The following SLC27A2 variants were observed in gnomAD, a reference collection of about 807,000 sequenced individuals.
The protein encoded by SLC27A2 is long-chain fatty acid transport protein 2.
Under a neutral mutation model 60.0 loss-of-function variants are expected in SLC27A2, and 54 were observed. That is an observed-to-expected ratio of 0.90 (90% CI 0.72 to 1.13). SLC27A2 has a LOEUF of 1.13. Ranked by LOEUF, SLC27A2 falls within the 50% of genes most tolerant of loss-of-function variation. The pLI is 0.00. For missense variants in SLC27A2, 739 were observed against 777.6 expected, an observed-to-expected ratio of 0.95 and a Z score of 0.59; for synonymous variants, 297 against 297.6, an observed-to-expected ratio of 1.00 and a Z score of 0.02.
chr15:50,188,991 A>G (rs561746765), intron 1 of SLC27A2, among the ~76,000 whole-genome samples: 7 of 143,202 alleles, frequency 4.9e-5, no homozygotes, highest in African/African-American at 1.8e-4. Flanking sequence ...AAATAGATAG[A>G]TAGATAGATA....
At chr15:50,216,745 C>G (rs1423342800) in intron 4 of SLC27A2, among the ~76,000 whole-genome samples, 1 of 138,808 alleles carries the variant, frequency 7.2e-6, no homozygotes, top group Non-Finnish European at 1.6e-5. Context: ...TTTTTTGGTT[C>G]CATATGATAT....
chr15:50,195,721 A>G (rs2045009007), intron 1 of SLC27A2, among the ~76,000 whole-genome samples: 1 of 151,810 alleles, frequency 6.6e-6, no homozygotes, highest in African/African-American at 2.4e-5. Flanking sequence ...TCATACACAA[A>G]CATCTGAAAA....
chr15:50,182,850 G>A lies in SLC27A2; in HGVS notation c.423G>A (p.Lys141=), dbSNP rs762845937. Residue 141 remains lysine, a synonymous_variant, in exon 1 of 10, where the codon AAG becomes AAA. Coordinates refer to ENST00000267842, the MANE Select transcript of SLC27A2 (RefSeq NM_003645.4). The part of the protein sequence containing the change: ...MACLNYNIRA[K]SLLHCFQCCG... ...GCCTCAATTACAACATCCGCGCGAAGTCCCTGCTGCACTGCTTCCAGTGCT... is the reference window on the plus strand; with the variant it reads ...GCCTCAATTACAACATCCGCGCGAAATCCCTGCTGCACTGCTTCCAGTGCT... 2 of 1,613,066 alleles carry A rather than the reference G, an allele frequency of 1.2e-6. No individual in the cohort carries two copies. Among genetic ancestry groups the A allele is most frequent in the South Asian group, 2.2e-5 (2 of 91,086 alleles).
chr15:50,216,610 G>GTGTGTGTGTGTGTGTATATATATATATA (rs1323910367), intron 4 of SLC27A2, among the ~76,000 whole-genome samples: 1 of 66,478 alleles, frequency 1.5e-5, no homozygotes, highest in Non-Finnish European at 3.0e-5. Context: ...GTGTGTGTGT[G>GTGTGTGTGTGTGTGTATATATATATATA]TATATATATA....
chr15:50,236,220 A>C lies in SLC27A2; in HGVS notation c.*124A>C. 3 of 694,358 alleles carry C rather than the reference A, an allele frequency of 4.3e-6. No individual in the cohort carries two copies. Among genetic ancestry groups the C allele is most frequent in the Non-Finnish European group, 6.8e-6 (3 of 443,062 alleles). The allele number at this position is 694,358 out of a possible 1,614,324, so 43.0% of individuals were successfully genotyped here. A position where few individuals can be genotyped will look rare whatever the true frequency, so the allele number is the denominator to read the frequency against. On this transcript the variant is annotated 3_prime_UTR_variant, in exon 10 of 10. Transcript: ENST00000267842. ...TTTTGTAGGAAATTTGCATACCCGT[A>C]AAGGGAGACTTTTTTAAATAACAGT...
intron 3 of SLC27A2, among the ~76,000 whole-genome samples, chr15:50,203,020 A>AAAAATAT (rs369562703): frequency 1.4e-5 from 2 of 147,798 alleles, no homozygotes; most frequent in South Asian, 4.3e-4. Context: ...CTCTAAAAAA[A>AAAAATAT]ATATATATAT....
intron 4 of SLC27A2, chr15:50,221,950 G>T (rs1356165997): frequency 6.5e-6 from 1 of 152,824 alleles, no homozygotes; most frequent in Non-Finnish European, 1.5e-5. Flanking sequence ...CAAACTTCTT[G>T]TTCTACTCTT....
intron 1 of SLC27A2, among the ~76,000 whole-genome samples, chr15:50,187,158 CAT>C (rs2044931376): frequency 6.6e-6 from 1 of 152,232 alleles, no homozygotes; most frequent in African/African-American, 2.4e-5. Flanking sequence ...AGTCAAGACT[CAT>C]AAACACTTCC....
intron 4 of SLC27A2, among the ~76,000 whole-genome samples, chr15:50,207,471 C>G (rs915201837): frequency 6.6e-6 from 1 of 151,730 alleles, no homozygotes; most frequent in Non-Finnish European, 1.5e-5. Flanking sequence ...CAAAAAAAAA[C>G]CTTCAGTTAA....
chr15:50,189,239 C>A (rs1312535700), intron 1 of SLC27A2, among the ~76,000 whole-genome samples: 1 of 151,936 alleles, frequency 6.6e-6, no homozygotes, highest in Non-Finnish European at 1.5e-5. Context: ...CCAGCCTTAC[C>A]CTACCACAGG....
Position 50,227,113 on chromosome 15 carries a change from A to C in SLC27A2, c.1392A>C (p.Gly464=), listed in dbSNP as rs2045284090. The change falls in exon 7 of 10, where the codon GGA becomes GGC. Residue 464 remains glycine, a synonymous_variant. Coordinates refer to ENST00000267842, the MANE Select transcript of SLC27A2 (RefSeq NM_003645.4). ...AAGGAGACCTCTATTTCAACAGTGG[A>C]GATCTCTTAATGGTTGACCATGAAA... ...FKKGDLYFNS[G]DLLMVDHENF... 1 of 1,614,122 alleles carries C rather than the reference A, an allele frequency of 6.2e-7. No homozygotes were observed. Among genetic ancestry groups the C allele is most frequent in the Non-Finnish European group, 8.5e-7 (1 of 1,179,930 alleles).
chr15:50,229,700 C>T (rs992581795), intron 8 of SLC27A2, among the ~76,000 whole-genome samples: 6 of 152,126 alleles, frequency 3.9e-5, no homozygotes, highest in Admixed American at 1.3e-4. Flanking sequence ...ATTACATCAA[C>T]GCTAAGCATA....
At chr15:50,231,103 C>A (rs1170925052) in intron 8 of SLC27A2, among the ~76,000 whole-genome samples, 1 of 149,320 alleles carries the variant, frequency 6.7e-6, no homozygotes, top group Non-Finnish European at 1.5e-5. Flanking sequence ...AATGATAGTA[C>A]AACATTGTAA....
intron 1 of SLC27A2, among the ~76,000 whole-genome samples, chr15:50,187,857 G>T (rs2044937679): frequency 6.6e-6 from 1 of 151,920 alleles, no homozygotes; most frequent in Non-Finnish European, 1.5e-5. Flanking sequence ...AACAAGTGTT[G>T]GGACCAAGGA....
chr15:50,207,529 C>T lies in SLC27A2; in HGVS notation c.972+2166C>T, dbSNP rs144503785. On this transcript the variant is annotated intron_variant, in intron 4 of 9. Transcript: ENST00000267842. Reference sequence around the variant, plus strand: ...ATCAGTCCAGGCACGGTGGCTCATGCCTCTAATCCCAACACTTTGGGAGGT... The same window carrying T: ...ATCAGTCCAGGCACGGTGGCTCATGTCTCTAATCCCAACACTTTGGGAGGT... Among the ~76,000 whole-genome samples the T allele has an allele frequency of 3.4e-3, 518 of 151,956 alleles. 2 individuals carry two copies. The highest frequency in any genetic ancestry group is 0.012 in the African/African-American group (497 of 41,438).
At position 50,182,882 on chromosome 15, in the gene SLC27A2, C is replaced by A; in HGVS notation, c.455C>A (p.Ala152Glu). 6.2e-7 allele frequency: 1 copy of A among 1,609,788 alleles called. No homozygotes were observed. The highest frequency in any genetic ancestry group is 8.5e-7 in the Non-Finnish European group (1 of 1,178,396). The change falls in exon 1 of 10, where the codon GCG becomes GAG. Residue 152 changes from alanine (A) to glutamate (E), a missense_variant. Ala to Glu is a moderately radical substitution (Grantham distance 107, BLOSUM62 -1). Coordinates refer to ENST00000267842, the MANE Select transcript of SLC27A2 (RefSeq NM_003645.4). ...SLLHCFQCCG[A>E]KVLLVSPELQ... is the part of the protein sequence containing the mutation. ...CTGCACTGCTTCCAGTGCTGCGGGG[C>A]GAAGGTGCTGCTGGTGTCGCCAGGT...
At chr15:50,201,418 T>C (rs1196262364) in intron 2 of SLC27A2, among the ~76,000 whole-genome samples, 1 of 152,050 alleles carries the variant, frequency 6.6e-6, no homozygotes, top group African/African-American at 2.4e-5. Flanking sequence ...TATAATACAC[T>C]TATAAAAGGA....
In SLC27A2 at chr15:50,182,256, G is replaced by A. The variant is rs2044859134; in HGVS notation, c.-172G>A. On this transcript the variant is annotated 5_prime_UTR_variant, in exon 1 of 10. Coordinates refer to ENST00000267842, the MANE Select transcript of SLC27A2 (RefSeq NM_003645.4). ...CTACACCTGCTCCGGAGCCCGCGGC[G>A]GTACCTGCAGCGGAGGAGCTCTGTC... 6.5e-6 allele frequency: 7 copies of A among 1,069,856 alleles called. No individual in the cohort carries two copies. The highest frequency in any genetic ancestry group is 1.7e-5 in the African/African-American group (1 of 60,050). The allele number at this position is 1,069,856 out of a possible 1,614,324, so 66.3% of individuals were successfully genotyped here. A position where few individuals can be genotyped will look rare whatever the true frequency, so the allele number is the denominator to read the frequency against.
intron 4 of SLC27A2, among the ~76,000 whole-genome samples, chr15:50,218,060 C>CAAAAAAAA (rs34661754): frequency 3.1e-5 from 2 of 63,898 alleles, no homozygotes; most frequent in African/African-American, 6.9e-5. Context: ...GACTCTGTCT[C>CAAAAAAAA]AAAAAAAAAA....
Sources: allele counts gnomAD v4.1 joint callset (sites outside exome capture counted in the v4.1 genomes callset), GRCh38; gene constraint gnomAD v4.1.1; transcripts MANE v1.5; gene names NCBI Gene and HGNC (gene_info 2026-07-23, HGNC 2026-07-21).